The following SEC24B variants were observed in gnomAD, a reference collection of about 807,000 sequenced individuals.
The protein encoded by SEC24B is SEC24 homolog B, COPII component.
Under a neutral mutation model 142.8 loss-of-function variants are expected in SEC24B, and 45 were observed. The observed-to-expected ratio is 0.32, with a 90% CI of 0.25 to 0.40. SEC24B has a LOEUF of 0.40. Among genes scored for constraint, SEC24B ranks in the 10% least tolerant of loss-of-function variants. SEC24B has a pLI of 1.00. For missense variants in SEC24B, 1,409 were observed against 1,526.8 expected, an observed-to-expected ratio of 0.92 and a Z score of 1.29; for synonymous variants, 574 against 568.2, an observed-to-expected ratio of 1.01 and a Z score of -0.15.
intron 7 of SEC24B, among the ~76,000 whole-genome samples, chr4:109,508,467 TGAGGTGGGAGGATCCTTTGAGCCCAG>T (rs1444812081): frequency 1.3e-5 from 2 of 151,958 alleles, no homozygotes; most frequent in African/African-American, 4.8e-5. Flanking sequence ...CTCTGTAGGC[TGAGGTGGGAGGATCCTTTGAGCCCAG>T]GAGGTGGAAG....
chr4:109,523,333 G>A (rs559782015), intron 14 of SEC24B, among the ~76,000 whole-genome samples: 65 of 152,092 alleles, frequency 4.3e-4, no homozygotes, highest in Non-Finnish European at 7.1e-4. Context: ...AGCTGGGTGC[G>A]GTGATGCAAG....
At chr4:109,486,259 T>C (rs1284882164) in intron 4 of SEC24B, among the ~76,000 whole-genome samples, 1 of 152,028 alleles carries the variant, frequency 6.6e-6, no homozygotes, top group Non-Finnish European at 1.5e-5. Context: ...TGTTAGGGAG[T>C]GGACATGGAG....
Position 109,494,676 on chromosome 4 carries a change from T to C in SEC24B, c.1308T>C (p.Ala436=). Reference sequence around the variant, plus strand: ...ATCCCGCCCCTGAACCTGATCCTGCTTCTGCTCCAGCTCCAGCTTCAGCTC... The same window carrying C: ...ATCCCGCCCCTGAACCTGATCCTGCCTCTGCTCCAGCTCCAGCTTCAGCTC... ...APDPAPEPDP[A]SAPAPASAPA... is the part of the protein sequence containing the mutation. Residue 436 remains alanine (A), a synonymous_variant, in exon 6 of 24, where the codon GCT becomes GCC. Coordinates refer to ENST00000265175, the MANE Select transcript of SEC24B (RefSeq NM_006323.5). The C allele has an allele frequency of 6.2e-7, 1 of 1,614,142 alleles. No individual in the cohort carries two copies. Among genetic ancestry groups the C allele is most frequent in the Non-Finnish European group, 8.5e-7 (1 of 1,179,978 alleles).
At chr4:109,455,103 C>T (rs943471674) in intron 1 of SEC24B, among the ~76,000 whole-genome samples, 3 of 152,160 alleles carry the variant, frequency 2.0e-5, no homozygotes, top group African/African-American at 7.2e-5. Context: ...TGTTAATCTG[C>T]CTTTTGCAAG....
chr4:109,465,433 T>C (rs189642864), intron 2 of SEC24B, among the ~76,000 whole-genome samples: 146 of 151,264 alleles, frequency 9.7e-4, no homozygotes, highest in African/African-American at 3.1e-3. Context: ...AAGAAAGTTA[T>C]CCAAGTTGAA....
At chr4:109,476,908 C>T (rs1240712981) in intron 3 of SEC24B, among the ~76,000 whole-genome samples, 1 of 151,880 alleles carries the variant, frequency 6.6e-6, no homozygotes, top group Admixed American at 6.6e-5. Context: ...GAGGCCGAGG[C>T]GGGCGGATCA....
rs564443088 is a variant in SEC24B at position 109,440,261 on chromosome 4, A to C, written c.133+6259A>C. On this transcript the variant is annotated intron_variant, in intron 1 of 23. Transcript: ENST00000265175. ...TTTTCACTCCCTTCCTCTCCCCCCA[A>C]GTTTCTGGGATTGTAGCAGTAATTA... Among the ~76,000 whole-genome samples, 22 of 152,134 alleles carry C rather than the reference A, an allele frequency of 1.4e-4. No individual in the cohort carries two copies. The South Asian group carries it at 4.4e-3, about 30-fold the overall frequency.
At chr4:109,520,203 T>G (rs908379422) in intron 11 of SEC24B, among the ~76,000 whole-genome samples, 163 bp from the exon 12 acceptor site, 8 of 152,244 alleles carry the variant, frequency 5.3e-5, no homozygotes, top group African/African-American at 1.4e-4. Context: ...CACCTTGGTC[T>G]TCTTCTCTGA....
chr4:109,501,583 G>A (rs557466753), intron 6 of SEC24B, among the ~76,000 whole-genome samples: 1 of 152,166 alleles, frequency 6.6e-6, no homozygotes, highest in Admixed American at 6.5e-5. Context: ...CAATTCTCTT[G>A]CCTCAGCCTC....
At chr4:109,500,530 G>A (rs1736010727) in intron 6 of SEC24B, among the ~76,000 whole-genome samples, 4 of 132,464 alleles carry the variant, frequency 3.0e-5, no homozygotes, top group Non-Finnish European at 6.2e-5. Flanking sequence ...GGCAACAAGA[G>A]CAAGACTCCA....
chr4:109,518,533 A>C (rs1723230566), intron 11 of SEC24B, among the ~76,000 whole-genome samples: 2 of 152,208 alleles, frequency 1.3e-5, no homozygotes, highest in Admixed American at 1.3e-4. Flanking sequence ...TGCTACTTCT[A>C]GTCACCATAG....
At chr4:109,449,978 G>C (rs552565044) in intron 1 of SEC24B, among the ~76,000 whole-genome samples, 2 of 152,152 alleles carry the variant, frequency 1.3e-5, no homozygotes, top group South Asian at 4.1e-4. Flanking sequence ...ACTTTGGGAG[G>C]CCGAAGCAGG....
intron 1 of SEC24B, among the ~76,000 whole-genome samples, chr4:109,462,141 A>G (rs1731323828): frequency 6.6e-6 from 1 of 152,120 alleles, no homozygotes; most frequent in Admixed American, 6.5e-5. Context: ...GGCTGTAGTG[A>G]ACCATGATCA....
At chr4:109,528,231 G>T (rs1724477717) in intron 18 of SEC24B, among the ~76,000 whole-genome samples, 1 of 151,978 alleles carries the variant, frequency 6.6e-6, no homozygotes, top group Non-Finnish European at 1.5e-5. Flanking sequence ...GACCAGCCTG[G>T]CCAACATGGT....
rs201010114 is a variant in SEC24B at position 109,516,493 on chromosome 4, T to C, written c.2014-35T>C. ...ATATATAAAAAGAATAAATTGTACC[T>C]ACCAAATAACTTACTTTATTTTTAT... On this transcript the variant is annotated intron_variant, in intron 10 of 23. Coordinates refer to ENST00000265175, the MANE Select transcript of SEC24B (RefSeq NM_006323.5). 1,411 of 1,295,290 alleles carry C rather than the reference T, an allele frequency of 1.1e-3. 2 individuals carry two copies. The highest frequency in any genetic ancestry group is 2.1e-3 in the Middle Eastern group (11 of 5,290). 80.2% of individuals were successfully genotyped at this position (1,295,290 alleles called of 1,614,324 possible). A position where few individuals can be genotyped will look rare whatever the true frequency, so the allele number is the denominator to read the frequency against.
chr4:109,524,788 TA>T (rs1391165739), intron 14 of SEC24B, 29 bp from the exon 15 acceptor site: 5 of 1,584,710 alleles, frequency 3.2e-6, no homozygotes, highest in Non-Finnish European at 4.3e-6. Context: ...TAAAGATTGC[TA>T]GCTCTTACTA....
At position 109,463,628 on chromosome 4, in the gene SEC24B, C is replaced by T. The variant is rs755352361; in HGVS notation, c.861C>T (p.Asn287=). ...NHTGSLAVAN[N]NPTITVADSL... is the part of the protein sequence containing the mutation. ...CAGGATCCCTGGCTGTAGCGAACAA[C>T]AACCCAACCATTACTGGTAGGTTGA... is the stretch of plus-strand genomic sequence containing the variant. The change falls in exon 2 of 24, where the codon AAC becomes AAT. Residue 287 remains asparagine, a synonymous_variant. Transcript: ENST00000265175. 4 of 1,613,004 alleles carry T rather than the reference C, an allele frequency of 2.5e-6. No individual in the cohort carries two copies. The highest frequency in any genetic ancestry group is 3.4e-6 in the Non-Finnish European group (4 of 1,179,136).
intron 1 of SEC24B, 126 bp from the exon 2 acceptor site, chr4:109,462,775 G>A (rs1731408088): frequency 1.3e-6 from 1 of 763,380 alleles, no homozygotes; most frequent in Non-Finnish European, 2.1e-6. Context: ...GTCTATAACA[G>A]TGTATACCTT....
chr4:109,440,261 A>G (rs564443088), intron 1 of SEC24B, among the ~76,000 whole-genome samples: 2 of 152,016 alleles, frequency 1.3e-5, no homozygotes, highest in African/African-American at 2.4e-5. Context: ...TCTCCCCCCA[A>G]GTTTCTGGGA....
Sources: gnomAD v4.1 joint callset for allele counts (sites outside exome capture counted in the v4.1 genomes callset) on GRCh38, gnomAD v4.1.1 for gene constraint, MANE v1.5 for transcripts, NCBI Gene and HGNC (gene_info 2026-07-23, HGNC 2026-07-21) for gene names.